Variants in PXDC1 observed in about 807,000 individuals in gnomAD.
PXDC1 encodes PX domain containing 1, also known as PX domain-containing protein 1.
Under a neutral mutation model 24.4 loss-of-function variants are expected in PXDC1, and 13 were observed. The ratio of observed to expected loss-of-function variants is 0.53; its 90% CI spans 0.35 to 0.85. The LOEUF (loss-of-function observed/expected upper bound fraction) is 0.85. PXDC1 is among the 40% of genes least tolerant of loss of function. The pLI is 0.01. For missense variants in PXDC1, 344 were observed against 309.3 expected (o/e 1.11, Z -0.84); for synonymous variants, 162 against 124.9 (o/e 1.30, Z -1.98).
At position 3,725,577 on chromosome 6, in the gene PXDC1, G is replaced by A. The variant is rs1359084686; in HGVS notation, c.579-1841C>T. Among the ~76,000 whole-genome samples, 3 of 152,318 alleles carry A rather than the reference G, an allele frequency of 2.0e-5. No individual in the cohort carries two copies. Among genetic ancestry groups the A allele is most frequent in the Middle Eastern group, 3.4e-3 (1 of 294 alleles). On this transcript the variant is annotated intron_variant, in intron 4 of 4. Transcript: ENST00000380283. The surrounding 1 kb of genome is among the most constrained non-coding windows in gnomAD (Gnocchi z 4.8). ...GCTGTGGGGGCCCTGCTGTGGGCCC[G>A]GCGGCACTGGGCTCACAGGCTCGGG...
intron 1 of PXDC1, among the ~76,000 whole-genome samples, chr6:3,744,590 G>T (rs888910865): frequency 6.6e-6 from 1 of 152,250 alleles, no homozygotes; most frequent in Non-Finnish European, 1.5e-5. Context: ...GACAAGCGTG[G>T]TCTCACAAAT....
intron 1 of PXDC1, among the ~76,000 whole-genome samples, chr6:3,744,905 G>A (rs1374092932): frequency 3.3e-5 from 5 of 152,168 alleles, no homozygotes; most frequent in Non-Finnish European, 4.4e-5. Flanking sequence ...TCACCACGTC[G>A]GCCAGGCTGG....
At chr6:3,747,492 C>T (rs1004677865) in intron 1 of PXDC1, among the ~76,000 whole-genome samples, 12 of 152,132 alleles carry the variant, frequency 7.9e-5, no homozygotes, top group Non-Finnish European at 1.5e-4. Flanking sequence ...AGTCTCCACA[C>T]CAGCCACCGT....
rs1369890682 is a variant in PXDC1 at position 3,724,966 on chromosome 6, C to T, written c.579-1230G>A. ...AGGCCTGGAGTGTGGTGTCAGCCCC[C>T]GCCTCGGCTTCCCTATGCTCACGGT... On this transcript the variant is annotated intron_variant, in intron 4 of 4. Coordinates refer to ENST00000380283, the MANE Select transcript of PXDC1 (RefSeq NM_183373.4). The surrounding 1 kb of genome is among the most constrained non-coding windows in gnomAD (Gnocchi z 4.5). Among the ~76,000 whole-genome samples the T allele has an allele frequency of 6.6e-6, 1 of 152,154 alleles. No homozygotes were observed. Among genetic ancestry groups the T allele is most frequent in the South Asian group, 2.1e-4 (1 of 4,826 alleles).
At chr6:3,735,108 A>G (rs1760285769) in intron 3 of PXDC1, among the ~76,000 whole-genome samples, 2 of 152,166 alleles carry the variant, frequency 1.3e-5, no homozygotes, top group African/African-American at 2.4e-5. Context: ...AAAATGAGCA[A>G]AACAATCCTA....
At position 3,737,114 on chromosome 6, in the gene PXDC1, A is replaced by G; in HGVS notation, c.431T>C (p.Ile144Thr). Residue 144 changes from isoleucine to threonine, a missense_variant, in exon 3 of 5, where the codon ATT becomes ACT. Coordinates refer to ENST00000380283, the MANE Select transcript of PXDC1 (RefSeq NM_183373.4). The surrounding 1 kb of genome is among the most constrained non-coding windows in gnomAD (Gnocchi z 5.5). ...QVLKNDNVHK[I>T]QPSFQSPVKI... ...GACTGGACTTTGAAAGCTGGGTTGA[A>G]TTTTATGCACATTATCATTTTTTAA... The G allele has an allele frequency of 6.2e-7, 1 of 1,613,622 alleles. No individual in the cohort carries two copies. The highest frequency in any genetic ancestry group is 1.6e-4 in the Middle Eastern group (1 of 6,062).
At chr6:3,744,711 A>C (rs1285301667) in intron 1 of PXDC1, among the ~76,000 whole-genome samples, 1 of 152,178 alleles carries the variant, frequency 6.6e-6, no homozygotes, top group African/African-American at 2.4e-5. Flanking sequence ...TTATTTATTT[A>C]TTTGAGACGA....
chr6:3,726,726 G>A (rs1315606268), intron 4 of PXDC1, among the ~76,000 whole-genome samples: 1 of 152,234 alleles, frequency 6.6e-6, no homozygotes, highest in Non-Finnish European at 1.5e-5. Flanking sequence ...AATGCGTGGG[G>A]CAAGACCCGG....
chr6:3,750,322 G>C (rs910274053), intron 1 of PXDC1, among the ~76,000 whole-genome samples: 1 of 152,204 alleles, frequency 6.6e-6, no homozygotes, highest in African/African-American at 2.4e-5. Context: ...AAAGAAGGCT[G>C]CTGGGCCACT....
chr6:3,748,614 A>C (rs892340053), intron 1 of PXDC1, among the ~76,000 whole-genome samples: 1 of 152,192 alleles, frequency 6.6e-6, no homozygotes, highest in African/African-American at 2.4e-5. Context: ...GCAGTACTCA[A>C]GGGACCAAGA....
intron 3 of PXDC1, among the ~76,000 whole-genome samples, chr6:3,730,882 G>A (rs968955370): frequency 6.6e-6 from 1 of 152,252 alleles, no homozygotes; most frequent in Non-Finnish European, 1.5e-5. Context: ...AAAGCATGCA[G>A]ACTGCAGCTG....
chr6:3,750,233 G>A (rs1760671236), intron 1 of PXDC1, among the ~76,000 whole-genome samples: 1 of 152,250 alleles, frequency 6.6e-6, no homozygotes, highest in Admixed American at 6.5e-5. Flanking sequence ...AGGCTGGGGA[G>A]ACTTGGACGG....
chr6:3,730,456 G>C (rs1194289424), intron 3 of PXDC1, among the ~76,000 whole-genome samples: 1 of 151,934 alleles, frequency 6.6e-6, no homozygotes, highest in East Asian at 1.9e-4. Context: ...TTATTTACTT[G>C]GTCACTTTAA....
chr6:3,744,697 T>G (rs1259490247), intron 1 of PXDC1, among the ~76,000 whole-genome samples: 2 of 152,158 alleles, frequency 1.3e-5, no homozygotes, highest in Non-Finnish European at 2.9e-5. Context: ...ATTCTTGTTT[T>G]TATTTATTTA....
At chr6:3,741,753 G>A (rs777082304) in intron 1 of PXDC1, among the ~76,000 whole-genome samples, 67 of 152,312 alleles carry the variant, frequency 4.4e-4, no homozygotes, top group Non-Finnish European at 8.1e-4. Context: ...AGCAGCAAAC[G>A]CCTCCCCGCC....
rs761155596 is a variant in PXDC1 at position 3,751,304 on chromosome 6, G to A, written c.228C>T (p.Ser76=). The A allele has an allele frequency of 1.9e-6, 3 of 1,539,716 alleles. No homozygotes were observed. In the African/African-American group the frequency reaches 4.2e-5, roughly 22 times the overall value. The change falls in exon 1 of 5, where the codon TCC becomes TCT. Residue 76 remains serine, a synonymous_variant. Transcript: ENST00000380283. ...GCCGCAGCGGCCCCTGCGCCAGTTC[G>A]GACCGGTCCTCGGGAAAGGCGTCGC... The part of the protein sequence containing the change: ...RLRDAFPEDR[S]ELAQGPLRQG...
chr6:3,732,010 T>C (rs1472537749), intron 3 of PXDC1, among the ~76,000 whole-genome samples: 1 of 152,234 alleles, frequency 6.6e-6, no homozygotes, highest in Non-Finnish European at 1.5e-5. Flanking sequence ...TTGTAGTTAA[T>C]TGAAGGAGGA....
intron 1 of PXDC1, chr6:3,739,043 T>A (rs961732724): frequency 2.5e-6 from 3 of 1,211,188 alleles, no homozygotes; most frequent in Non-Finnish European, 2.1e-6. Context: ...TTACTGCGAT[T>A]ACTTTTGCAC....
intron 1 of PXDC1, 172 bp downstream of exon 1, chr6:3,751,101 CCCT>C (rs1760704025): frequency 1.8e-6 from 1 of 544,526 alleles, no homozygotes; most frequent in South Asian, 2.8e-5. Context: ...CTCCCCGTCC[CCCT>C]AACCCCGCCG....
Sources: allele counts gnomAD v4.1 joint callset (sites outside exome capture counted in the v4.1 genomes callset), GRCh38; gene constraint gnomAD v4.1.1; non-coding constraint Gnocchi (gnomAD v3.1); transcripts MANE v1.5; gene names NCBI Gene and HGNC (gene_info 2026-07-23, HGNC 2026-07-21).